TOP3A: variants seen among roughly 807,000 people sequenced by gnomAD.
TOP3A encodes the protein DNA topoisomerase 3-alpha.
A neutral mutation model predicts 111.3 loss-of-function variants in TOP3A; 64 were observed. That is an observed-to-expected ratio of 0.57 (90% CI 0.47 to 0.71). The LOEUF is 0.71. TOP3A is among the 30% of genes least tolerant of loss of function. TOP3A has a pLI of 0.00. For missense variants in TOP3A, 1,104 were observed against 1,285.0 expected (o/e 0.86, Z 2.15); for synonymous variants, 484 against 485.1 (o/e 1.00, Z 0.03).
In TOP3A at chr17:18,272,572, G is replaced by A. The variant is rs1382389869; in HGVS notation, c.*2230C>T. ...TAATCGTGTGGTATATTCATACAGT[G>A]GGCTATCAGCTTATCATAAACATCG... On this transcript the variant is annotated 3_prime_UTR_variant, in exon 19 of 19. Coordinates refer to ENST00000321105, the MANE Select transcript of TOP3A (RefSeq NM_004618.5). Among the ~76,000 whole-genome samples, 1 of 152,184 alleles carries A rather than the reference G, an allele frequency of 6.6e-6. No homozygotes were observed. Among genetic ancestry groups the A allele is most frequent in the Admixed American group, 6.5e-5 (1 of 15,280 alleles).
At chr17:18,300,838 G>A (rs1171939548) in intron 8 of TOP3A, among the ~76,000 whole-genome samples, 1 of 152,176 alleles carries the variant, frequency 6.6e-6, no homozygotes, top group East Asian at 1.9e-4. Flanking sequence ...GTCAAAGGGT[G>A]GAGTGAGAGA....
Position 18,278,286 on chromosome 17 carries a change from C to G in TOP3A, c.2216G>C (p.Gly739Ala). Residue 739 changes from glycine (G) to alanine (A), a missense_variant, in exon 18 of 19, where the codon GGA (glycine) becomes GCA (alanine). Transcript: ENST00000321105. ...MPLEFVCCIG[G>A]CDDTLREILD... ...GATCTCCCTCAGGGTGTCGTCGCATCCGCCGATGCAGCAAACAAACTCCAG... is the reference window on the plus strand; with the variant it reads ...GATCTCCCTCAGGGTGTCGTCGCATGCGCCGATGCAGCAAACAAACTCCAG... 6.5e-7 allele frequency: 1 copy of G among 1,527,234 alleles called. No individual in the cohort carries two copies. Among genetic ancestry groups the G allele is most frequent in the Non-Finnish European group, 8.8e-7 (1 of 1,137,732 alleles). The allele number at this position is 1,527,234 out of a possible 1,614,324, so 94.6% of individuals were successfully genotyped here.
At chr17:18,288,517 C>A (rs1036734352) in intron 13 of TOP3A, among the ~76,000 whole-genome samples, 2 of 152,022 alleles carry the variant, frequency 1.3e-5, no homozygotes, top group African/African-American at 4.8e-5. Context: ...ACTTAGAAAT[C>A]CTGGAAGACT....
At chr17:18,292,584 AC>A (rs1446152040) in intron 11 of TOP3A, 60 bp downstream of exon 11, 5 of 1,391,348 alleles carry the variant, frequency 3.6e-6, no homozygotes, top group Non-Finnish European at 4.8e-6. Context: ...TTCAAACCTT[AC>A]TACTGACCCC....
chr17:18,303,646 C>T (rs995991740), intron 5 of TOP3A, among the ~76,000 whole-genome samples: 9 of 152,168 alleles, frequency 5.9e-5, no homozygotes, highest in African/African-American at 2.2e-4. Context: ...CCAGGCACAG[C>T]ACCTTCCCTT....
chr17:18,285,232 C>A lies in TOP3A; in HGVS notation c.1787G>T (p.Cys596Phe). ...CACAAATTTGTCCTTTTTGCCATCA[C>A]AGATCAGCTTCAGATCAGCTTCCAG... ...AELEADLKLI[C>F]DGKKDKFVVL... Residue 596 changes from cysteine to phenylalanine, a missense_variant, in exon 15 of 19, where the codon TGT becomes TTT. Transcript: ENST00000321105. 1 of 1,614,206 alleles carries A rather than the reference C, an allele frequency of 6.2e-7. No homozygotes were observed. Among genetic ancestry groups the A allele is most frequent in the East Asian group, 2.2e-5 (1 of 44,888 alleles).
intron 16 of TOP3A, 141 bp downstream of exon 16, chr17:18,282,557 G>C (rs1979822646): frequency 2.5e-6 from 3 of 1,191,306 alleles, no homozygotes; most frequent in African/African-American, 3.0e-5. Context: ...TATGCTTTTA[G>C]GCCAACACCT....
intron 5 of TOP3A, among the ~76,000 whole-genome samples, chr17:18,304,473 C>T (rs948254405): frequency 9.2e-5 from 14 of 152,144 alleles, no homozygotes; most frequent in African/African-American, 3.1e-4. Context: ...GTAGCAACCC[C>T]ACCCTCTGAG....
intron 18 of TOP3A, among the ~76,000 whole-genome samples, chr17:18,276,273 C>T (rs192586215): frequency 6.6e-6 from 1 of 152,316 alleles, no homozygotes; most frequent in Admixed American, 6.5e-5. Context: ...CTTCCTGTCC[C>T]CTCAACAGGC....
Position 18,308,382 on chromosome 17 carries a change from C to T in TOP3A, c.283G>A (p.Ala95Thr). Residue 95 changes from alanine (A) to threonine (T), a missense_variant, in exon 3 of 19, where the codon GCT (alanine) becomes ACT (threonine). Transcript: ENST00000321105. ...VMTSVSGHLLAHDFQMQFRKW... is the reference protein window; with the variant it reads ...VMTSVSGHLLTHDFQMQFRKW... ...CGAAACTGCATCTGGAAATCATGAG[C>T]CAGTAAATGTCCAGAAACTGAAGTC... 6.2e-7 allele frequency: 1 copy of T among 1,605,120 alleles called. No individual in the cohort carries two copies. Among genetic ancestry groups the T allele is most frequent in the African/African-American group, 1.3e-5 (1 of 74,868 alleles).
intron 2 of TOP3A, 55 bp from the exon 3 acceptor site, chr17:18,308,479 C>A: frequency 4.8e-6 from 6 of 1,249,090 alleles, no homozygotes; most frequent in South Asian, 2.7e-5. Context: ...TATTATTCTG[C>A]CAAATCATTA....
At chr17:18,279,802 T>G (rs1437305767) in intron 17 of TOP3A, among the ~76,000 whole-genome samples, 1 of 152,188 alleles carries the variant, frequency 6.6e-6, no homozygotes, top group Non-Finnish European at 1.5e-5. Context: ...TCCTCCTGCC[T>G]CAGCCTCCTG....
intron 5 of TOP3A, among the ~76,000 whole-genome samples, chr17:18,304,634 A>G (rs987259896): frequency 1.1e-4 from 16 of 152,292 alleles, no homozygotes; most frequent in African/African-American, 3.1e-4. Flanking sequence ...TTTTATAATT[A>G]TTTTTTGTAC....
chr17:18,285,371 C>T (rs763304443), intron 14 of TOP3A, 36 bp downstream of exon 14: 98 of 1,613,054 alleles, frequency 6.1e-5, no homozygotes, highest in Non-Finnish European at 7.7e-5. Flanking sequence ...TGGGCGACAC[C>T]ACCCACTACC....
At chr17:18,301,257 A>C (rs1331092011) in intron 8 of TOP3A, among the ~76,000 whole-genome samples, 1 of 152,194 alleles carries the variant, frequency 6.6e-6, no homozygotes, top group Non-Finnish European at 1.5e-5. Context: ...AAGGGCCAGG[A>C]AACATTAGGG....
At position 18,274,625 on chromosome 17, in the gene TOP3A, C is replaced by G; in HGVS notation, c.*177G>C. ...GAGGGTCACTGTCCAGCAGAGCTGGCCTGCTCCAGAGTGATCTGGACCTTG... is the reference window on the plus strand; with the variant it reads ...GAGGGTCACTGTCCAGCAGAGCTGGGCTGCTCCAGAGTGATCTGGACCTTG... On this transcript the variant is annotated 3_prime_UTR_variant, in exon 19 of 19. Transcript: ENST00000321105. The G allele has an allele frequency of 9.2e-7, 1 of 1,089,830 alleles. No homozygotes were observed. Among genetic ancestry groups the G allele is most frequent in the Non-Finnish European group, 1.3e-6 (1 of 793,862 alleles). The allele number at this position is 1,089,830 out of a possible 1,614,324, so 67.5% of individuals were successfully genotyped here.
chr17:18,275,293 CAAAAAAAAA>C (rs538677203), intron 18 of TOP3A, among the ~76,000 whole-genome samples: 1 of 60,738 alleles, frequency 1.6e-5, no homozygotes, highest in African/African-American at 6.1e-5. Context: ...GACCCTGTCT[CAAAAAAAAA>C]AAAAAAAAAA....
intron 3 of TOP3A, 38 bp downstream of exon 3, chr17:18,308,313 T>G: frequency 7.8e-7 from 1 of 1,288,196 alleles, no homozygotes; most frequent in Non-Finnish European, 1.1e-6. Flanking sequence ...CACAACTTAC[T>G]ATAATCTGAA....
At chr17:18,291,686 T>C (rs1249100755) in intron 11 of TOP3A, among the ~76,000 whole-genome samples, 2 of 152,184 alleles carry the variant, frequency 1.3e-5, no homozygotes, top group Non-Finnish European at 2.9e-5. Flanking sequence ...TTATAAACTT[T>C]TGTATTTCTT....
Sources: gnomAD v4.1 joint callset for allele counts (sites outside exome capture counted in the v4.1 genomes callset) on GRCh38, gnomAD v4.1.1 for gene constraint, MANE v1.5 for transcripts, NCBI Gene and HGNC (gene_info 2026-07-23, HGNC 2026-07-21) for gene names.